The following ARFGEF2 variants were observed in gnomAD, a reference collection of about 807,000 sequenced individuals.
The protein encoded by ARFGEF2 is ARF guanine nucleotide exchange factor 2, also known as brefeldin A-inhibited guanine nucleotide-exchange protein 2.
Under a neutral mutation model 219.9 loss-of-function variants are expected in ARFGEF2, and 74 were observed. The observed-to-expected ratio is 0.34, with a 90% CI of 0.28 to 0.41. ARFGEF2 has a LOEUF of 0.41. Ranked by LOEUF, ARFGEF2 falls within the 10% of genes least tolerant of loss-of-function variation. The pLI, the probability that ARFGEF2 is intolerant of heterozygous loss-of-function variation, is 1.00. For synonymous variants in ARFGEF2, 733 were observed against 799.2 expected (o/e 0.92, Z 1.40); for missense variants, 1,743 against 2,218.3 (o/e 0.79, Z 4.30).
chr20:48,927,747 A>G, intron 1 of ARFGEF2, among the ~76,000 whole-genome samples: 1 of 152,326 alleles, frequency 6.6e-6, no homozygotes, highest in East Asian at 1.9e-4. Flanking sequence ...TTAAATTGAA[A>G]TGCAGAATAA....
At chr20:48,997,301 C>G (rs1050269138) in intron 23 of ARFGEF2, among the ~76,000 whole-genome samples, 2 of 144,250 alleles carry the variant, frequency 1.4e-5, no homozygotes, top group Admixed American at 6.9e-5. Context: ...TTGAGACAGT[C>G]TCGCTCTATC....
At chr20:48,977,337 T>A (rs2091268450) in intron 14 of ARFGEF2, among the ~76,000 whole-genome samples, 1 of 152,218 alleles carries the variant, frequency 6.6e-6, no homozygotes, top group South Asian at 2.1e-4. Context: ...TAGTATTCCA[T>A]GGTGTATATG....
rs919137709 is a variant in ARFGEF2 at position 48,929,936 on chromosome 20, A to C, written c.121+7926A>C. 4.6e-5 allele frequency among the ~76,000 whole-genome samples: 7 copies of C among 152,294 alleles called. No homozygotes were observed. The East Asian group carries it at 9.6e-4, about 21-fold the overall frequency. ...CAGTGAGATGACACTGAAGAGTTTT[A>C]AACCGGGAAGCAGGTGATAGGATGA... On this transcript the variant is annotated intron_variant, in intron 1 of 38. Transcript: ENST00000371917.
intron 5 of ARFGEF2, 46 bp downstream of exon 5, chr20:48,952,930 C>G (rs780387297): frequency 8.8e-6 from 14 of 1,595,764 alleles, no homozygotes; most frequent in Non-Finnish European, 1.2e-5. Flanking sequence ...TCATTGCTCT[C>G]TGAACTCTAT....
At chr20:49,009,368 T>C (rs6019580) in intron 26 of ARFGEF2, among the ~76,000 whole-genome samples, 56,729 of 151,690 alleles carry the variant, frequency 0.37, 11,437 homozygotes, top group African/African-American at 0.54. Context: ...TTGAAAGTCA[T>C]GAGCCTGGGA....
rs757354982 is a variant in ARFGEF2, at chr20:48,971,261, C to T, written c.1332C>T (p.Gly444=). The T allele has an allele frequency of 5.0e-6, 8 of 1,614,012 alleles. No individual in the cohort carries two copies. In the African/African-American group the frequency reaches 5.3e-5, roughly 11 times the overall value. Residue 444 remains glycine (G), a synonymous_variant, in exon 10 of 39, where the codon GGC becomes GGT. Coordinates refer to ENST00000371917, the MANE Select transcript of ARFGEF2 (RefSeq NM_006420.3). ...QYLCVALSKN[G]VSSVPDVFEL... Reference sequence around the variant, plus strand: ...TCTGTGTGGCCTTGTCCAAAAACGGCGTCTCTTCAGTGCCTGATGTCTTTG... The same window carrying T: ...TCTGTGTGGCCTTGTCCAAAAACGGTGTCTCTTCAGTGCCTGATGTCTTTG...
chr20:48,934,208 C>G (rs1012604719), intron 1 of ARFGEF2, among the ~76,000 whole-genome samples: 1 of 151,760 alleles, frequency 6.6e-6, no homozygotes, highest in Non-Finnish European at 1.5e-5. Context: ...GATGTCTGTG[C>G]CAGGACTTGA....
intron 25 of ARFGEF2, among the ~76,000 whole-genome samples, chr20:49,002,219 C>T (rs1331520443): frequency 6.6e-6 from 1 of 151,870 alleles, no homozygotes; most frequent in Admixed American, 6.6e-5. Context: ...GTCTGGGTGA[C>T]GAGCAAAGCT....
intron 20 of ARFGEF2, 67 bp from the exon 21 acceptor site, chr20:48,990,973 C>T: frequency 1.3e-6 from 2 of 1,558,062 alleles, no homozygotes; most frequent in Non-Finnish European, 1.7e-6. Flanking sequence ...TGTGCCAGCC[C>T]TGCAGATGTG....
rs563295625 is a variant in ARFGEF2 at position 49,003,539 on chromosome 20, A to T, written c.3433-1531A>T. The stretch of plus-strand genomic sequence containing the variant: ...AGAATTGCTTGAACTGGGGAGGTGG[A>T]GATTGCAGTGAGCTGAGACCACACC... On this transcript the variant is annotated intron_variant, in intron 25 of 38. Coordinates refer to ENST00000371917, the MANE Select transcript of ARFGEF2 (RefSeq NM_006420.3). Among the ~76,000 whole-genome samples the T allele has an allele frequency of 5.3e-5, 8 of 152,022 alleles. No homozygotes were observed. In the South Asian group the frequency reaches 1.7e-3, roughly 32 times the overall value.
intron 37 of ARFGEF2, among the ~76,000 whole-genome samples, chr20:49,031,558 G>A (rs923963928): frequency 2.0e-5 from 3 of 152,026 alleles, no homozygotes; most frequent in African/African-American, 7.2e-5. Context: ...TTTTATAGCT[G>A]AAGAAACTAA....
intron 3 of ARFGEF2, among the ~76,000 whole-genome samples, chr20:48,944,131 C>T (rs1054244793): frequency 7.9e-5 from 12 of 152,156 alleles, no homozygotes; most frequent in African/African-American, 2.9e-4. Flanking sequence ...TAATTCTGTA[C>T]AGATTGTCCT....
At chr20:48,945,465 G>A (rs1293289459) in intron 3 of ARFGEF2, among the ~76,000 whole-genome samples, 1 of 152,114 alleles carries the variant, frequency 6.6e-6, no homozygotes, top group Non-Finnish European at 1.5e-5. Flanking sequence ...TTTGTTTCTG[G>A]AACTCCTTGC....
At chr20:48,960,553 T>G in intron 6 of ARFGEF2, among the ~76,000 whole-genome samples, 1 of 151,714 alleles carries the variant, frequency 6.6e-6, no homozygotes, top group East Asian at 2.0e-4. Flanking sequence ...GCACGATCAC[T>G]GCTCACTGCA....
chr20:48,927,140 G>A (rs971019269), intron 1 of ARFGEF2, among the ~76,000 whole-genome samples: 18 of 152,158 alleles, frequency 1.2e-4, no homozygotes, highest in African/African-American at 4.3e-4. Flanking sequence ...TTATTTAAAG[G>A]TAGAAAAGAT....
rs2091515621 is a variant in ARFGEF2 at position 49,013,884 on chromosome 20, A to G, written c.4103A>G (p.Lys1368Arg). The change falls in exon 30 of 39, where the codon AAG becomes AGG. Residue 1368 changes from lysine to arginine, a missense_variant. Physicochemically the swap from Lys to Arg is conservative, Grantham distance 26. This residue lies in a region of ARFGEF2 where 578 missense variants were observed against 664.0 expected (regional missense o/e 0.87). Coordinates refer to ENST00000371917, the MANE Select transcript of ARFGEF2 (RefSeq NM_006420.3). ...IMKSYGHTFEKHWWQDLFRIV... is the reference protein window; with the variant it reads ...IMKSYGHTFERHWWQDLFRIV... ...AAGAGCTATGGCCACACCTTTGAAA[A>G]GCACTGGTGGCAGGACCTGTTCAGA... The G allele has an allele frequency of 6.2e-7, 1 of 1,613,988 alleles. No homozygotes were observed. The highest frequency in any genetic ancestry group is 1.1e-5 in the South Asian group (1 of 91,082).
chr20:48,945,834 A>G (rs1258841389), intron 3 of ARFGEF2, among the ~76,000 whole-genome samples: 1 of 152,198 alleles, frequency 6.6e-6, no homozygotes, highest in Non-Finnish European at 1.5e-5. Flanking sequence ...ACCTAACTCT[A>G]GCCTGAGTGA....
chr20:48,922,006 G>T lies in ARFGEF2; in HGVS notation c.117G>T (p.Ala39=). 6.3e-7 allele frequency: 1 copy of T among 1,577,748 alleles called. No homozygotes were observed. Among genetic ancestry groups the T allele is most frequent in the South Asian group, 1.2e-5 (1 of 86,092 alleles). ...AGCTGCGCAGGGCCTGCCAGGTGGC[G>T]CTCGGTGGGTGAGCCGCTCCCGCCC... ...HSQLRRACQV[A]LDEIKAEIEK... Residue 39 remains alanine (A), a synonymous_variant, in exon 1 of 39, where the codon GCG becomes GCT. Coordinates refer to ENST00000371917, the MANE Select transcript of ARFGEF2 (RefSeq NM_006420.3).
At position 48,969,240 on chromosome 20, in the gene ARFGEF2, T is replaced by TC; in HGVS notation, c.1155dup (p.Met386HisfsTer6). 1 of 1,614,212 alleles carries TC rather than the reference T, an allele frequency of 6.2e-7. No individual in the cohort carries two copies. The highest frequency in any genetic ancestry group is 1.1e-5 in the South Asian group (1 of 91,086). On this transcript the variant is annotated frameshift_variant, in exon 9 of 39. Transcript: ENST00000371917. LOFTEE classifies it high-confidence loss of function. Reference sequence around the variant, plus strand: ...TGTGTTCCGCTCCCTGTGCAAGCTGTCCATGAAACCCCTTGGTGAAGGCCC... The same window carrying TC: ...TGTGTTCCGCTCCCTGTGCAAGCTGTCCCATGAAACCCCTTGGTGAAGGCCC...
Sources: gnomAD v4.1 joint callset for allele counts (sites outside exome capture counted in the v4.1 genomes callset) on GRCh38, gnomAD v4.1.1 for gene constraint, gnomAD v4.1.1 regional missense constraint, MANE v1.5 for transcripts, NCBI Gene and HGNC (gene_info 2026-07-23, HGNC 2026-07-21) for gene names.